Variants in DISP1 observed in about 807,000 individuals in gnomAD.
DISP1 encodes the protein protein dispatched homolog 1.
A neutral mutation model predicts 37.3 loss-of-function variants in DISP1; 30 were observed. The ratio of observed to expected loss-of-function variants is 0.80; its 90% CI spans 0.60 to 1.09. The LOEUF is 1.09. Ranked by LOEUF, DISP1 falls within the 50% of genes least tolerant of loss-of-function variation. DISP1 has a pLI of 0.00. For missense variants in DISP1, 1,598 were observed against 1,879.5 expected (o/e 0.85, Z 2.77); for synonymous variants, 634 against 690.2 (o/e 0.92, Z 1.28).
intron 1 of DISP1, among the ~76,000 whole-genome samples, chr1:222,903,572 C>T (rs1429819491): frequency 1.3e-5 from 2 of 151,994 alleles, no homozygotes; most frequent in African/African-American, 2.4e-5. Flanking sequence ...TGTTTTAATG[C>T]AACCAATTGC....
At chr1:223,000,979 AG>A (rs1194107256) in intron 8 of DISP1, among the ~76,000 whole-genome samples, 8 of 152,320 alleles carry the variant, frequency 5.3e-5, no homozygotes, top group African/African-American at 1.9e-4. Context: ...TGATAGGACC[AG>A]GTCATCTTTA....
chr1:222,961,333 G>C (rs771732638), intron 3 of DISP1, among the ~76,000 whole-genome samples: 2 of 152,100 alleles, frequency 1.3e-5, no homozygotes, highest in Non-Finnish European at 2.9e-5. Flanking sequence ...ATCAATAAAC[G>C]TAATCCATCA....
rs1679670688 is a variant in DISP1, at chr1:223,003,833, A to G, written c.2436A>G (p.Leu812=). 1.2e-6 allele frequency: 2 copies of G among 1,614,252 alleles called. No homozygotes were observed. Among genetic ancestry groups the G allele is most frequent in the African/African-American group, 2.7e-5 (2 of 75,070 alleles). Residue 812 remains leucine (L), a synonymous_variant, in exon 9 of 9, where the codon TTA becomes TTG. Coordinates refer to ENST00000675850, the MANE Select transcript of DISP1 (RefSeq NM_001377229.1). This position sits in a 1 kb window ranked among gnomAD's most constrained non-coding sequence, Gnocchi z 4.3. The part of the protein sequence containing the change: ...LNPKSKGKLT[L]DSSFNIASPA... ...CCAAGAGTAAAGGGAAGTTGACATT[A>G]GATAGCAGTTTTAACATCGCCAGCC... is the stretch of plus-strand genomic sequence containing the variant.
At chr1:222,962,056 T>C (rs963088859) in intron 3 of DISP1, among the ~76,000 whole-genome samples, 6 of 151,736 alleles carry the variant, frequency 4.0e-5, no homozygotes, top group Non-Finnish European at 7.4e-5. Flanking sequence ...GTCCAAAAAC[T>C]CCTTAAACTG....
At position 223,002,746 on chromosome 1, in the gene DISP1, A is replaced by C; in HGVS notation, c.1349A>C (p.Lys450Thr). 1.2e-6 allele frequency: 2 copies of C among 1,614,172 alleles called. No individual in the cohort carries two copies. The highest frequency in any genetic ancestry group is 8.5e-7 in the Non-Finnish European group (1 of 1,180,026). ...KTADYATPAL[K>T]YSMLFSPTEK... Reference sequence around the variant, plus strand: ...GCTGACTATGCCACGCCAGCTTTAAAATACAGCATGCTCTTCTCTCCCACA... The same window carrying C: ...GCTGACTATGCCACGCCAGCTTTAACATACAGCATGCTCTTCTCTCCCACA... Residue 450 changes from lysine (K) to threonine (T), a missense_variant, in exon 9 of 9, where the codon AAA becomes ACA. Transcript: ENST00000675850.
At chr1:222,909,617 C>T (rs1052104275) in intron 1 of DISP1, among the ~76,000 whole-genome samples, 3 of 152,186 alleles carry the variant, frequency 2.0e-5, no homozygotes, top group African/African-American at 7.2e-5. Flanking sequence ...CCATGAAGTT[C>T]TCGTTTCAAC....
At chr1:222,951,822 G>T (rs1024152332) in intron 3 of DISP1, among the ~76,000 whole-genome samples, 10 of 152,120 alleles carry the variant, frequency 6.6e-5, no homozygotes, top group African/African-American at 2.4e-4. Context: ...TTTAGCATAG[G>T]GTGACCATAG....
chr1:222,985,362 A>G (rs1487375116), intron 4 of DISP1, among the ~76,000 whole-genome samples: 1 of 152,192 alleles, frequency 6.6e-6, no homozygotes, highest in African/African-American at 2.4e-5. Context: ...TAAAAAACAC[A>G]TATTTTTGGC....
intron 1 of DISP1, among the ~76,000 whole-genome samples, chr1:222,859,457 T>TGC (rs1445756162): frequency 2.0e-5 from 3 of 152,220 alleles, no homozygotes; most frequent in Non-Finnish European, 4.4e-5. Flanking sequence ...GTAACAAACC[T>TGC]GCGCATCCTG....
At chr1:222,938,105 C>T (rs183428280) in intron 2 of DISP1, among the ~76,000 whole-genome samples, 9 of 152,076 alleles carry the variant, frequency 5.9e-5, no homozygotes, top group African/African-American at 2.2e-4. Flanking sequence ...ACTCCTGAGC[C>T]CTAGCAGTCT....
At chr1:222,991,193 G>A (rs563260070) in intron 5 of DISP1, among the ~76,000 whole-genome samples, 1 of 152,190 alleles carries the variant, frequency 6.6e-6, no homozygotes, top group Non-Finnish European at 1.5e-5. Flanking sequence ...TAAAAATACA[G>A]TGCGTAACAT....
At chr1:222,892,716 A>G (rs1348115843) in intron 1 of DISP1, among the ~76,000 whole-genome samples, 2 of 152,240 alleles carry the variant, frequency 1.3e-5, no homozygotes, top group Non-Finnish European at 2.9e-5. Context: ...GAAATCAGAA[A>G]CATCTGTAAT....
At chr1:222,981,478 G>A (rs1677835202) in intron 3 of DISP1, among the ~76,000 whole-genome samples, 1 of 152,188 alleles carries the variant, frequency 6.6e-6, no homozygotes, top group Non-Finnish European at 1.5e-5. Flanking sequence ...AATAAAGCTT[G>A]AAATTTAGAA....
chr1:222,875,211 C>A (rs1288209339), intron 1 of DISP1, among the ~76,000 whole-genome samples: 4 of 151,634 alleles, frequency 2.6e-5, no homozygotes, highest in Non-Finnish European at 5.9e-5. Flanking sequence ...TACTTGGGAG[C>A]CTGAGGCAGG....
intron 1 of DISP1, among the ~76,000 whole-genome samples, chr1:222,901,451 A>G (rs1671575434): frequency 6.6e-6 from 1 of 152,158 alleles, no homozygotes; most frequent in Non-Finnish European, 1.5e-5. Context: ...TGAAAAACAA[A>G]GATATTTGGG....
chr1:222,826,044 G>C (rs1369775167), intron 1 of DISP1, among the ~76,000 whole-genome samples: 1 of 152,156 alleles, frequency 6.6e-6, no homozygotes, highest in Non-Finnish European at 1.5e-5. Context: ...TGGGACTGTA[G>C]GTGTGTACCA....
At chr1:222,908,016 T>C (rs534648854) in intron 1 of DISP1, among the ~76,000 whole-genome samples, 96 of 152,282 alleles carry the variant, frequency 6.3e-4, no homozygotes, top group Non-Finnish European at 9.0e-4. Flanking sequence ...TGATTAATCA[T>C]TGGATGTACA....
chr1:222,885,809 T>A (rs1041925355), intron 1 of DISP1, among the ~76,000 whole-genome samples: 2 of 152,102 alleles, frequency 1.3e-5, no homozygotes, highest in Non-Finnish European at 2.9e-5. Flanking sequence ...GAAATATACG[T>A]ATATGTACTA....
intron 1 of DISP1, among the ~76,000 whole-genome samples, chr1:222,852,357 G>T (rs554925939): frequency 8.6e-5 from 13 of 151,488 alleles, no homozygotes; most frequent in South Asian, 4.2e-4. Context: ...TTTTTTGGTG[G>T]TTTTTTTGTT....
Sources: allele counts gnomAD v4.1 joint callset (sites outside exome capture counted in the v4.1 genomes callset), GRCh38; gene constraint gnomAD v4.1.1; non-coding constraint Gnocchi (gnomAD v3.1); transcripts MANE v1.5; gene names NCBI Gene and HGNC (gene_info 2026-07-23, HGNC 2026-07-21).